CLIP2: variants seen among roughly 807,000 people sequenced by gnomAD.
CLIP2 encodes the protein CAP-Gly domain containing linker protein 2.
A neutral mutation model predicts 111.7 loss-of-function variants in CLIP2; 41 were observed. The ratio of observed to expected loss-of-function variants is 0.37; its 90% CI spans 0.29 to 0.48. The LOEUF (loss-of-function observed/expected upper bound fraction) is 0.48, where lower values mean the gene tolerates loss of function less well. Ranked by LOEUF, CLIP2 falls within the 20% of genes least tolerant of loss-of-function variation. The pLI, the probability that CLIP2 is intolerant of heterozygous loss-of-function variation, is 0.99. For missense variants in CLIP2, 1,160 were observed against 1,422.1 expected, an observed-to-expected ratio of 0.82 and a Z score of 2.96; for synonymous variants, 660 against 644.2, an observed-to-expected ratio of 1.02 and a Z score of -0.37.
intron 8 of CLIP2, among the ~76,000 whole-genome samples, chr7:74,367,436 CG>C (rs1790493595): frequency 6.6e-6 from 1 of 152,176 alleles, no homozygotes; most frequent in African/African-American, 2.4e-5. Context: ...ATGATTCGCC[CG>C]CCTCAGACTC....
rs1305131127 is a variant in CLIP2 at position 74,405,422 on chromosome 7, C to T, written c.*1574C>T. The T allele has an allele frequency of 6.6e-6, 1 of 152,500 alleles. No homozygotes were observed. The highest frequency in any genetic ancestry group is 2.4e-5 in the African/African-American group (1 of 41,422). 9.4% of individuals were successfully genotyped at this position (152,500 alleles called of 1,614,324 possible). A position where few individuals can be genotyped will look rare whatever the true frequency, so the allele number is the denominator to read the frequency against. ...AATTCATAGGAACGGCCCAGATCGCCCTCATGAGTGCCACCTGGTACAGGT... is the reference window on the plus strand; with the variant it reads ...AATTCATAGGAACGGCCCAGATCGCTCTCATGAGTGCCACCTGGTACAGGT... On this transcript the variant is annotated 3_prime_UTR_variant, in exon 17 of 17. Transcript: ENST00000223398.
At chr7:74,390,363 G>T (rs187792371) in intron 13 of CLIP2, among the ~76,000 whole-genome samples, 1 of 151,958 alleles carries the variant, frequency 6.6e-6, no homozygotes, top group Admixed American at 6.6e-5. Flanking sequence ...TGTAAGATAC[G>T]AATCCATCTT....
At chr7:74,327,610 T>C (rs1344841308) in intron 2 of CLIP2, among the ~76,000 whole-genome samples, 3 of 152,158 alleles carry the variant, frequency 2.0e-5, no homozygotes, top group African/African-American at 7.2e-5. Context: ...TTGTCTGAGA[T>C]GTTGGGCAAA....
chr7:74,295,145 G>A (rs1788133452), intron 1 of CLIP2, among the ~76,000 whole-genome samples: 1 of 151,982 alleles, frequency 6.6e-6, no homozygotes, highest in Admixed American at 6.6e-5. Flanking sequence ...ATATTTTTTT[G>A]TAGACAGGGT....
rs1293002482 is a variant in CLIP2 at position 74,331,608 on chromosome 7, C to T, written c.122-6840C>T. Among the ~76,000 whole-genome samples the T allele has an allele frequency of 4.8e-5, 6 of 123,902 alleles. No homozygotes were observed. The East Asian group carries it at 1.2e-3, about 26-fold the overall frequency. 81.3% of individuals were successfully genotyped at this position (123,902 alleles called of 152,430 possible). A position where few individuals can be genotyped will look rare whatever the true frequency, so the allele number is the denominator to read the frequency against. On this transcript the variant is annotated intron_variant, in intron 2 of 16. Transcript: ENST00000223398. Reference sequence around the variant, plus strand: ...TTTGAGACAGAGTCTCACTCTGTCTCGCCCAGACTGGAGTGAGTGCAGTGG... The same window carrying T: ...TTTGAGACAGAGTCTCACTCTGTCTTGCCCAGACTGGAGTGAGTGCAGTGG...
At chr7:74,319,016 C>T (rs1788871677) in intron 2 of CLIP2, among the ~76,000 whole-genome samples, 2 of 152,132 alleles carry the variant, frequency 1.3e-5, no homozygotes, top group Admixed American at 6.6e-5. Flanking sequence ...GGGTGAGGCC[C>T]GTCGGCAGAA....
intron 1 of CLIP2, among the ~76,000 whole-genome samples, chr7:74,314,092 G>A (rs1788709483): frequency 6.7e-6 from 1 of 150,042 alleles, no homozygotes; most frequent in South Asian, 2.1e-4. Context: ...TGAGGCAGAA[G>A]AATTGCTTGA....
intron 3 of CLIP2, 47 bp downstream of exon 3, chr7:74,339,051 C>T: frequency 2.0e-6 from 3 of 1,531,532 alleles, no homozygotes; most frequent in Non-Finnish European, 2.6e-6. Context: ...CCCTTCCCTC[C>T]CCTGCTCCGC....
intron 1 of CLIP2, among the ~76,000 whole-genome samples, chr7:74,314,067 GACTT>G (rs1483262715): frequency 2.6e-5 from 4 of 151,368 alleles, no homozygotes; most frequent in African/African-American, 7.3e-5. Context: ...CCTGTAGTCT[GACTT>G]ACTCAGAGGC....
At chr7:74,303,601 T>TTC (rs1554727203) in intron 1 of CLIP2, among the ~76,000 whole-genome samples, 1 of 150,852 alleles carries the variant, frequency 6.6e-6, no homozygotes, top group East Asian at 1.9e-4. Context: ...CTTATTTTTT[T>TTC]TTTTTTTTTT....
intron 14 of CLIP2, among the ~76,000 whole-genome samples, chr7:74,399,003 G>A (rs1791538438): frequency 6.6e-6 from 1 of 151,456 alleles, no homozygotes; most frequent in Non-Finnish European, 1.5e-5. Flanking sequence ...CCTGCACTGT[G>A]TCCACGGGAG....
At chr7:74,291,074 A>T (rs1234500531) in intron 1 of CLIP2, among the ~76,000 whole-genome samples, 1 of 152,206 alleles carries the variant, frequency 6.6e-6, no homozygotes, top group Non-Finnish European at 1.5e-5. Flanking sequence ...CTATTGGGTT[A>T]GAGAAACAGC....
At chr7:74,311,141 G>A (rs547159388) in intron 1 of CLIP2, among the ~76,000 whole-genome samples, 10 of 151,852 alleles carry the variant, frequency 6.6e-5, no homozygotes, top group African/African-American at 2.2e-4. Context: ...CACCACGCTC[G>A]GCTAATTTTT....
At chr7:74,393,290 A>T (rs1251495582) in intron 13 of CLIP2, among the ~76,000 whole-genome samples, 1 of 151,222 alleles carries the variant, frequency 6.6e-6, no homozygotes, top group Non-Finnish European at 1.5e-5. Context: ...TGCCTCCCAA[A>T]GTGCTGGGAG....
intron 10 of CLIP2, among the ~76,000 whole-genome samples, chr7:74,378,631 G>A (rs1380104598): frequency 1.3e-5 from 2 of 152,148 alleles, no homozygotes; most frequent in East Asian, 1.9e-4. Flanking sequence ...CCCCAGCTAC[G>A]CTGGAGGCTG....
chr7:74,366,677 G>C (rs1790475828), intron 8 of CLIP2, among the ~76,000 whole-genome samples: 1 of 152,106 alleles, frequency 6.6e-6, no homozygotes, highest in Non-Finnish European at 1.5e-5. Flanking sequence ...AGGAGTTTGA[G>C]ACCAGCCTGG....
At chr7:74,305,860 C>T (rs1200987225) in intron 1 of CLIP2, among the ~76,000 whole-genome samples, 1 of 111,514 alleles carries the variant, frequency 9.0e-6, no homozygotes, top group African/African-American at 4.5e-5. Context: ...CCCCAACCCC[C>T]CCCCACCGCC....
chr7:74,356,603 CG>C lies in CLIP2; in HGVS notation c.999del (p.Ser335AlafsTer27). 2 of 1,613,726 alleles carry C rather than the reference CG, an allele frequency of 1.2e-6. No homozygotes were observed. Among genetic ancestry groups the C allele is most frequent in the Non-Finnish European group, 1.7e-6 (2 of 1,179,892 alleles). On this transcript the variant is annotated frameshift_variant, in exon 5 of 17. Coordinates refer to ENST00000223398, the MANE Select transcript of CLIP2 (RefSeq NM_003388.5). LOFTEE classifies it high-confidence loss of function. The stretch of plus-strand genomic sequence containing the variant: ...CTCTGTGGCCTCCTCCGTGGGGGGT[CG>C]GCCCAGCCGCAGTGGCCTGGTGAGG... ...VSSVASSVGG[R>X]PSRSGLLTET...
chr7:74,384,680 A>G (rs1791036678), intron 11 of CLIP2, among the ~76,000 whole-genome samples: 1 of 151,806 alleles, frequency 6.6e-6, no homozygotes, highest in Non-Finnish European at 1.5e-5. Context: ...TCCTGGCCTC[A>G]ATCGATGCAC....
Sources: allele counts gnomAD v4.1 joint callset (sites outside exome capture counted in the v4.1 genomes callset), GRCh38; gene constraint gnomAD v4.1.1; transcripts MANE v1.5; gene names NCBI Gene and HGNC (gene_info 2026-07-23, HGNC 2026-07-21).